HEATR1: variants seen among roughly 807,000 people sequenced by gnomAD.
The protein encoded by HEATR1 is HEAT repeat-containing protein 1.
Under a neutral mutation model 248.2 loss-of-function variants are expected in HEATR1, and 77 were observed. The observed-to-expected ratio is 0.31, with a 90% CI of 0.26 to 0.37. HEATR1 has a LOEUF of 0.37. Among genes scored for constraint, HEATR1 ranks in the 10% least tolerant of loss-of-function variants. The pLI is 1.00. For synonymous variants in HEATR1, 897 were observed against 923.1 expected, an observed-to-expected ratio of 0.97 and a Z score of 0.51; for missense variants, 2,420 against 2,504.9, an observed-to-expected ratio of 0.97 and a Z score of 0.72.
At position 236,576,262 on chromosome 1, in the gene HEATR1, A is replaced by G; in HGVS notation, c.3041T>C (p.Ile1014Thr). The G allele has an allele frequency of 6.2e-7, 1 of 1,609,332 alleles. No homozygotes were observed. Among genetic ancestry groups the G allele is most frequent in the Admixed American group, 1.7e-5 (1 of 58,872 alleles). The change falls in exon 22 of 45, where the codon ATA becomes ACA. Residue 1014 changes from isoleucine (I) to threonine (T), a missense_variant. Coordinates refer to ENST00000366582, the MANE Select transcript of HEATR1 (RefSeq NM_018072.6). Reference sequence around the variant, plus strand: ...AAGTACTTTCATCAAATCTTTTGCTATATAAGATGGGCAACTATACACACA... The same window carrying G: ...AAGTACTTTCATCAAATCTTTTGCTGTATAAGATGGGCAACTATACACACA... ...LSCVYSCPSY[I>T]AKDLMKVLQG...
At chr1:236,601,308 G>A (rs901992836) in intron 3 of HEATR1, among the ~76,000 whole-genome samples, 4 of 150,838 alleles carry the variant, frequency 2.7e-5, no homozygotes, top group East Asian at 2.0e-4. Flanking sequence ...GTGCAGTGGC[G>A]TGATCTCAGC....
chr1:236,559,974 G>C, intron 33 of HEATR1, 137 bp from the exon 34 acceptor site: 1 of 878,848 alleles, frequency 1.1e-6, no homozygotes, highest in Non-Finnish European at 1.6e-6. Flanking sequence ...AAAACTACTC[G>C]GAAAGAAAGG....
chr1:236,579,796 T>C (rs1178066130), intron 20 of HEATR1, among the ~76,000 whole-genome samples: 1 of 152,094 alleles, frequency 6.6e-6, no homozygotes, highest in Non-Finnish European at 1.5e-5. Flanking sequence ...GTAACAAAAT[T>C]TGGTTACAAA....
intron 35 of HEATR1, 79 bp from the exon 36 acceptor site, chr1:236,558,608 G>A: frequency 7.1e-7 from 1 of 1,406,166 alleles, no homozygotes; most frequent in Non-Finnish European, 9.7e-7. Flanking sequence ...CACAGCTTGA[G>A]ATTGTCTAAA....
intron 2 of HEATR1, among the ~76,000 whole-genome samples, 154 bp from the exon 3 acceptor site, chr1:236,603,530 C>A (rs16834052): frequency 0.018 from 2,653 of 151,472 alleles, 16 homozygotes; most frequent in Middle Eastern, 0.077. Flanking sequence ...TTCTAGTTTT[C>A]AACTTTTAGA....
chr1:236,559,923 G>C (rs1468190971), intron 33 of HEATR1, 86 bp from the exon 34 acceptor site: 5 of 1,332,714 alleles, frequency 3.8e-6, no homozygotes, highest in Non-Finnish European at 4.1e-6. Context: ...AATGTTTCAA[G>C]TAGAAAGACG....
Position 236,597,592 on chromosome 1 carries a change from C to T in HEATR1, c.603+286G>A, listed in dbSNP as rs2758164. ...ACAGCTTTCCCAGGTTGAATATTCC[C>T]GACATTTCTAGACACTCTCTTTGAA... On this transcript the variant is annotated intron_variant, in intron 5 of 44. Coordinates refer to ENST00000366582, the MANE Select transcript of HEATR1 (RefSeq NM_018072.6). 0.61 allele frequency among the ~76,000 whole-genome samples: 93,319 copies of T among 151,768 alleles called. 30,416 individuals are homozygous for T. Among genetic ancestry groups the T allele is most frequent in the East Asian group, 0.72 (3,723 of 5,154 alleles).
intron 32 of HEATR1, among the ~76,000 whole-genome samples, chr1:236,563,516 C>G (rs1160617099): frequency 1.3e-5 from 2 of 152,118 alleles, no homozygotes; most frequent in South Asian, 2.1e-4. Flanking sequence ...TCATGATCCG[C>G]CCGCCTCGGC....
At chr1:236,575,049 C>T (rs1663530718) in intron 22 of HEATR1, 146 bp from the exon 23 acceptor site, 2 of 708,196 alleles carry the variant, frequency 2.8e-6, no homozygotes, top group South Asian at 2.0e-5. Flanking sequence ...GACATGGAGA[C>T]AGCTATTAAT....
intron 14 of HEATR1, 96 bp downstream of exon 14, chr1:236,587,306 A>C: frequency 2.0e-6 from 1 of 503,956 alleles, no homozygotes; most frequent in Non-Finnish European, 3.4e-6. Context: ...GGGTCATGTA[A>C]TCAAAGCCTT....
Position 236,555,899 on chromosome 1 carries a change from A to G in HEATR1, c.5555T>C (p.Ile1852Thr). The G allele has an allele frequency of 1.2e-6, 2 of 1,613,664 alleles. No individual in the cohort carries two copies. The highest frequency in any genetic ancestry group is 1.1e-5 in the South Asian group (1 of 91,076). ...GAGCTCTTCCTTCTTCATCACCCCA[A>G]TATGCTCTTGCAAGATGCTCATAAA... ...GPFMSILQEH[I>T]GVMKKEELTS... Residue 1852 changes from isoleucine to threonine, a missense_variant, in exon 39 of 45, where the codon ATT (isoleucine) becomes ACT (threonine). By Grantham distance (89) the Ile-to-Thr change is moderately conservative (BLOSUM62 -1). Transcript: ENST00000366582.
intron 28 of HEATR1, among the ~76,000 whole-genome samples, chr1:236,570,648 C>T (rs1663402711): frequency 6.6e-6 from 1 of 152,012 alleles, no homozygotes; most frequent in Admixed American, 6.6e-5. Flanking sequence ...AATTTTATGG[C>T]ATCTGAACTA....
intron 4 of HEATR1, 129 bp downstream of exon 4, chr1:236,599,354 G>T: frequency 1.6e-6 from 1 of 628,884 alleles, no homozygotes; most frequent in Non-Finnish European, 2.6e-6. Context: ...TCAATTGGAA[G>T]TCAGGAAATA....
intron 20 of HEATR1, 80 bp downstream of exon 20, chr1:236,581,142 A>G: frequency 8.0e-7 from 1 of 1,257,070 alleles, no homozygotes; most frequent in Non-Finnish European, 1.1e-6. Flanking sequence ...TTAAGTTATA[A>G]TTTTCCAAAC....
At chr1:236,565,888 G>C (rs757693888) in intron 31 of HEATR1, 31 bp downstream of exon 31, 3 of 1,594,302 alleles carry the variant, frequency 1.9e-6, no homozygotes, top group East Asian at 2.3e-5. Flanking sequence ...CTTTCAGATT[G>C]AACAGTAAGT....
At chr1:236,576,068 C>G in intron 22 of HEATR1, 151 bp downstream of exon 22, 1 of 516,874 alleles carries the variant, frequency 1.9e-6, no homozygotes, top group Non-Finnish European at 3.3e-6. Flanking sequence ...TTTTCTCTAC[C>G]TCAACTCATC....
intron 32 of HEATR1, among the ~76,000 whole-genome samples, chr1:236,562,188 T>C (rs758113763): frequency 1.3e-5 from 2 of 152,258 alleles, no homozygotes; most frequent in African/African-American, 2.4e-5. Context: ...TGGCCATCTG[T>C]AATTCCTCTT....
intron 3 of HEATR1, among the ~76,000 whole-genome samples, chr1:236,601,304 T>C (rs1039247425): frequency 6.6e-6 from 1 of 151,752 alleles, no homozygotes. Flanking sequence ...TGGAGTGCAG[T>C]GGCGTGATCT....
chr1:236,603,672 TGC>T (rs558591998), intron 2 of HEATR1, among the ~76,000 whole-genome samples: 1 of 150,790 alleles, frequency 6.6e-6, no homozygotes, highest in East Asian at 2.0e-4. Context: ...CCCCAGTCAC[TGC>T]CTCCATCCCC....
Sources: gnomAD v4.1 joint callset for allele counts (sites outside exome capture counted in the v4.1 genomes callset) on GRCh38, gnomAD v4.1.1 for gene constraint, MANE v1.5 for transcripts, NCBI Gene and HGNC (gene_info 2026-07-23, HGNC 2026-07-21) for gene names.